The following NCAPH2 variants were observed in gnomAD, a reference collection of about 807,000 sequenced individuals.
NCAPH2 encodes condensin-2 complex subunit H2.
A neutral mutation model predicts 88.6 loss-of-function variants in NCAPH2; 56 were observed. The ratio of observed to expected loss-of-function variants is 0.63; its 90% confidence interval spans 0.51 to 0.79. The LOEUF is 0.79. NCAPH2 is among the 30% of genes least tolerant of loss of function. The pLI is 0.00. For missense variants in NCAPH2, 794 were observed against 792.0 expected (o/e 1.00, Z -0.03); for synonymous variants, 378 against 313.6 (o/e 1.21, Z -2.17).
chr22:50,522,760 C>G (rs957517670), intron 17 of NCAPH2, 40 bp downstream of exon 17: 16 of 1,612,320 alleles, frequency 9.9e-6, no homozygotes, highest in African/African-American at 2.7e-5. Flanking sequence ...GGGAGGGGGA[C>G]AGGTGAGCGG....
rs969108955 is a variant in NCAPH2 at position 50,523,706 on chromosome 22, G to A, written c.*331G>A. 3 of 1,614,082 alleles carry A rather than the reference G, an allele frequency of 1.9e-6. No individual in the cohort carries two copies. In the African/African-American group the frequency reaches 4.0e-5, roughly 22 times the overall value. On this transcript the variant is annotated 3_prime_UTR_variant, in exon 20 of 20. Coordinates refer to ENST00000420993, the MANE Select transcript of NCAPH2 (RefSeq NM_152299.4). ...CTCCGGCCGTAGTAATCCGTGAAGA[G>A]GCCGTCAGGGTTGAGCAGGTAGATG...
chr22:50,521,119 C>T, intron 10 of NCAPH2, 83 bp downstream of exon 10: 1 of 1,468,488 alleles, frequency 6.8e-7, no homozygotes, highest in Non-Finnish European at 9.2e-7. Context: ...TGCTCTTGCT[C>T]CTGCTGGCCT....
chr22:50,521,000 G>C lies in NCAPH2; in HGVS notation c.897G>C (p.Glu299Asp). ...TGCCCAGGAGGTACATGCTGCGGGA[G>C]CGGGAGGGGGCCCCAGAGCCTGCAT... ...AALPRRYMLREREGAPEPASC... is the reference protein window; with the variant it reads ...AALPRRYMLRDREGAPEPASC... The change falls in exon 10 of 20, where the codon GAG (glutamate) becomes GAC (aspartate). Residue 299 changes from glutamate (E) to aspartate (D), a missense_variant. Physicochemically the swap from Glu to Asp is conservative, Grantham distance 45. Around this residue, in one of 2 missense-constraint regions of NCAPH2, gnomAD observed 735 missense variants for 696.3 expected, o/e 1.06. Coordinates refer to ENST00000420993, the MANE Select transcript of NCAPH2 (RefSeq NM_152299.4). 1 of 1,551,024 alleles carries C rather than the reference G, an allele frequency of 6.4e-7. No individual in the cohort carries two copies. The highest frequency in any genetic ancestry group is 8.7e-7 in the Non-Finnish European group (1 of 1,146,980).
intron 9 of NCAPH2, 50 bp from the exon 10 acceptor site, chr22:50,520,915 C>A (rs987417239): frequency 1.3e-6 from 2 of 1,544,878 alleles, no homozygotes; most frequent in African/African-American, 1.4e-5. Flanking sequence ...GTACCCAGAG[C>A]CTTGAGGGGA....
rs756097413 is a variant in NCAPH2, at chr22:50,524,232, C to T, written c.*857C>T. 16 of 1,607,196 alleles carry T rather than the reference C, an allele frequency of 1.0e-5. No homozygotes were observed. In the South Asian group the frequency reaches 1.2e-4, roughly 12 times the overall value. On this transcript the variant is annotated 3_prime_UTR_variant, in exon 20 of 20. Transcript: ENST00000420993. ...CCCCGAACAGGCCTGTGATCAGCAG[C>T]CGGGTTCGAAGCCCAGGGCCCTGGG...
At chr22:50,509,437 A>T (rs1308133751) in intron 1 of NCAPH2, among the ~76,000 whole-genome samples, 1 of 152,222 alleles carries the variant, frequency 6.6e-6, no homozygotes, top group East Asian at 1.9e-4. Context: ...ACCGCTGTTC[A>T]ACCAAAAGCA....
chr22:50,519,317 G>A lies in NCAPH2; in HGVS notation c.858G>A (p.Gln286=), dbSNP rs111450349. The A allele has an allele frequency of 3.9e-5, 62 of 1,609,208 alleles. 1 individual carries two copies. The African/African-American group carries it at 4.7e-4, about 12-fold the overall frequency. ...AGCCCAAGGAGTCCAGGAGCCCGCA[G>A]CAGGTGGGACCCACATGGAGGCCTG... ...ALEPKESRSP[Q]QSAALPRRYM... The change falls in exon 9 of 20, where the codon CAG becomes CAA. Residue 286 remains glutamine (Q), a synonymous_variant. Coordinates refer to ENST00000420993, the MANE Select transcript of NCAPH2 (RefSeq NM_152299.4).
At chr22:50,521,407 CT>C in intron 10 of NCAPH2, 135 bp from the exon 11 acceptor site, 2 of 904,748 alleles carry the variant, frequency 2.2e-6, no homozygotes, top group Non-Finnish European at 3.6e-6. Context: ...TGTGCACCCC[CT>C]ACTCCTCCTT....
chr22:50,518,170 A>G lies in NCAPH2; in HGVS notation c.538A>G (p.Arg180Gly). 1 of 1,614,116 alleles carries G rather than the reference A, an allele frequency of 6.2e-7. No homozygotes were observed. The highest frequency in any genetic ancestry group is 8.5e-7 in the Non-Finnish European group (1 of 1,180,014). The change falls in exon 7 of 20, where the codon AGG (arginine) becomes GGG (glycine). Residue 180 changes from arginine (R) to glycine (G), a missense_variant. Physicochemically the swap from Arg to Gly is moderately radical, Grantham distance 125. This residue lies in a region of NCAPH2 where 735 missense variants were observed against 696.3 expected (regional missense o/e 1.06). Transcript: ENST00000420993. ...GGTCCTGGCCAGCCGGAAGGATTTCAGGATGAACACGTGCGTTCCCCACCC... is the reference window on the plus strand; with the variant it reads ...GGTCCTGGCCAGCCGGAAGGATTTCGGGATGAACACGTGCGTTCCCCACCC... The part of the protein sequence containing the change: ...GEVLASRKDF[R>G]MNTCVPHPRG...
chr22:50,524,719 G>A lies in NCAPH2; in HGVS notation c.*1344G>A, dbSNP rs1334157761. On this transcript the variant is annotated 3_prime_UTR_variant, in exon 20 of 20. Coordinates refer to ENST00000420993, the MANE Select transcript of NCAPH2 (RefSeq NM_152299.4). ...CTCTTGCTGACGGAAAGCATTCCAAGTGCATGCCTTGCCTGAACTAACCAC... is the reference window on the plus strand; with the variant it reads ...CTCTTGCTGACGGAAAGCATTCCAAATGCATGCCTTGCCTGAACTAACCAC... 8 of 608,280 alleles carry A rather than the reference G, an allele frequency of 1.3e-5. No homozygotes were observed. The allele number at this position is 608,280 out of a possible 1,614,324, so 37.7% of individuals were successfully genotyped here. A position where few individuals can be genotyped will look rare whatever the true frequency, so the allele number is the denominator to read the frequency against.
chr22:50,521,743 A>G lies in NCAPH2; in HGVS notation c.1003A>G (p.Arg335Gly), dbSNP rs199558436. 4.3e-6 allele frequency: 7 copies of G among 1,613,862 alleles called. No individual in the cohort carries two copies. In the Admixed American group the frequency reaches 1.0e-4, roughly 23 times the overall value. The change falls in exon 12 of 20, where the codon AGG becomes GGG. Residue 335 changes from arginine (R) to glycine (G), a missense_variant and splice_region_variant. Coordinates refer to ENST00000420993, the MANE Select transcript of NCAPH2 (RefSeq NM_152299.4). ...SLESKPFKKG[R>G]PYSVPPCVEE... Reference sequence around the variant, plus strand: ...AGACAGTCCCTGTTTGCCCCCAGGTAGGCCTTACTCTGTGCCCCCCTGTGT... The same window carrying G: ...AGACAGTCCCTGTTTGCCCCCAGGTGGGCCTTACTCTGTGCCCCCCTGTGT...
At chr22:50,521,080 G>T in intron 10 of NCAPH2, 44 bp downstream of exon 10, 1 of 1,540,180 alleles carries the variant, frequency 6.5e-7, no homozygotes. Flanking sequence ...AGGGATGGGC[G>T]GATTCGAGGA....
rs1255751401 is a variant in NCAPH2 at position 50,518,147 on chromosome 22, T to G, written c.515T>G (p.Val172Gly). Reference sequence around the variant, plus strand: ...TGCCAGCACAGCCGTCAGGGTGAGGTCCTGGCCAGCCGGAAGGATTTCAGG... The same window carrying G: ...TGCCAGCACAGCCGTCAGGGTGAGGGCCTGGCCAGCCGGAAGGATTTCAGG... Reference protein sequence around the residue: ...NNPLYSRQGEVLASRKDFRMN... With the variant: ...NNPLYSRQGEGLASRKDFRMN... Residue 172 changes from valine to glycine, a missense_variant, in exon 7 of 20, where the codon GTC (valine) becomes GGC (glycine). Transcript: ENST00000420993. 1 of 1,613,858 alleles carries G rather than the reference T, an allele frequency of 6.2e-7. No homozygotes were observed. Among genetic ancestry groups the G allele is most frequent in the East Asian group, 2.2e-5 (1 of 44,892 alleles).
At position 50,508,505 on chromosome 22, in the gene NCAPH2, C is replaced by T. The variant is rs960342670; in HGVS notation, c.108+60C>T. The T allele has an allele frequency of 4.3e-5, 41 of 943,048 alleles. 1 individual carries two copies. Among genetic ancestry groups the T allele is most frequent in the East Asian group, 2.4e-4 (7 of 29,196 alleles). 58.4% of individuals were successfully genotyped at this position (943,048 alleles called of 1,614,324 possible). A position where few individuals can be genotyped will look rare whatever the true frequency, so the allele number is the denominator to read the frequency against. Reference sequence around the variant, plus strand: ...GGCGGGTGGGGCTGCGGGGCGGGGGCTCCGGGCCCGGGGCTGTGGGCGCCC... The same window carrying T: ...GGCGGGTGGGGCTGCGGGGCGGGGGTTCCGGGCCCGGGGCTGTGGGCGCCC... On this transcript the variant is annotated intron_variant, in intron 1 of 19. Transcript: ENST00000420993.
chr22:50,514,680 G>A (rs1237695547), intron 1 of NCAPH2, among the ~76,000 whole-genome samples: 4 of 152,160 alleles, frequency 2.6e-5, no homozygotes, highest in Non-Finnish European at 5.9e-5. Context: ...CCTTCTTTCT[G>A]GACCAGCTCT....
At chr22:50,508,749 T>C (rs1285154593) in intron 1 of NCAPH2, among the ~76,000 whole-genome samples, 1 of 152,246 alleles carries the variant, frequency 6.6e-6, no homozygotes, top group Non-Finnish European at 1.5e-5. Flanking sequence ...GAAAGCATTA[T>C]TGCTTTTATT....
intron 1 of NCAPH2, among the ~76,000 whole-genome samples, chr22:50,511,538 G>T (rs1170064388): frequency 7.0e-6 from 1 of 142,556 alleles, no homozygotes; most frequent in Admixed American, 6.8e-5. Context: ...TGATCCACCC[G>T]CCTCGGCCTC....
intron 1 of NCAPH2, among the ~76,000 whole-genome samples, chr22:50,509,813 G>A (rs867532315): frequency 6.6e-6 from 1 of 151,882 alleles, no homozygotes; most frequent in African/African-American, 2.4e-5. Flanking sequence ...CTCATTTTGG[G>A]CTGTTTTGTA....
chr22:50,524,711 C>A lies in NCAPH2; in HGVS notation c.*1336C>A. 1.6e-6 allele frequency: 1 copy of A among 626,708 alleles called. No individual in the cohort carries two copies. The highest frequency in any genetic ancestry group is 3.1e-6 in the Non-Finnish European group (1 of 327,080). The allele number at this position is 626,708 out of a possible 1,614,324, so 38.8% of individuals were successfully genotyped here. A position where few individuals can be genotyped will look rare whatever the true frequency, so the allele number is the denominator to read the frequency against. On this transcript the variant is annotated 3_prime_UTR_variant, in exon 20 of 20. Coordinates refer to ENST00000420993, the MANE Select transcript of NCAPH2 (RefSeq NM_152299.4). Reference sequence around the variant, plus strand: ...AGGTGAACCTCTTGCTGACGGAAAGCATTCCAAGTGCATGCCTTGCCTGAA... The same window carrying A: ...AGGTGAACCTCTTGCTGACGGAAAGAATTCCAAGTGCATGCCTTGCCTGAA...
Sources: gnomAD v4.1 joint callset for allele counts (sites outside exome capture counted in the v4.1 genomes callset) on GRCh38, gnomAD v4.1.1 for gene constraint, gnomAD v4.1.1 regional missense constraint, MANE v1.5 for transcripts, NCBI Gene and HGNC (gene_info 2026-07-23, HGNC 2026-07-21) for gene names.